ADGRL3: variants seen among roughly 807,000 people sequenced by gnomAD.
ADGRL3 encodes the protein adhesion G protein-coupled receptor L3, also known as calcium-independent alpha-latrotoxin receptor 3.
In ADGRL3, 62 loss-of-function variants were observed where a neutral mutation model predicts 153.5. The observed-to-expected ratio is 0.40, with a 90% CI of 0.33 to 0.50. The LOEUF (loss-of-function observed/expected upper bound fraction) is 0.50, where lower values mean the gene tolerates loss of function less well. ADGRL3 is among the 20% of genes least tolerant of loss of function. ADGRL3 has a pLI of 0.47. For synonymous variants in ADGRL3, 710 were observed against 672.5 expected (o/e 1.06, Z -0.86); for missense variants, 1,641 against 1,859.4 (o/e 0.88, Z 2.16).
rs148465432 is a variant in ADGRL3 at position 62,021,404 on chromosome 4, C to G, written c.3396-7451C>G. ...TCAAATTCAGGCAGGCTGGTTTGCA[C>G]GTCCATGTTTTCAGTCACTGACATA... On this transcript the variant is annotated intron_variant, in intron 21 of 26. Transcript: ENST00000683033. Among the ~76,000 whole-genome samples, 9 of 152,170 alleles carry G rather than the reference C, an allele frequency of 5.9e-5. No homozygotes were observed. The East Asian group carries it at 1.4e-3, about 23-fold the overall frequency.
chr4:61,501,704 A>T (rs1207622509), intron 3 of ADGRL3, among the ~76,000 whole-genome samples: 3 of 152,328 alleles, frequency 2.0e-5, no homozygotes, highest in African/African-American at 7.2e-5. Flanking sequence ...ACATGAACAA[A>T]ATCAGAGACT....
At chr4:61,490,211 T>G (rs1285128009) in intron 2 of ADGRL3, among the ~76,000 whole-genome samples, 1 of 152,142 alleles carries the variant, frequency 6.6e-6, no homozygotes, top group South Asian at 2.1e-4. Context: ...CTCTCACAGA[T>G]CTTCCAGATC....
At chr4:61,751,652 T>C (rs902702383) in intron 8 of ADGRL3, among the ~76,000 whole-genome samples, 3 of 152,188 alleles carry the variant, frequency 2.0e-5, no homozygotes, top group Non-Finnish European at 4.4e-5. Context: ...ATTAGTAAGA[T>C]TAGTTAGAAA....
At chr4:61,546,044 C>T (rs1053166828) in intron 4 of ADGRL3, among the ~76,000 whole-genome samples, 33 of 152,282 alleles carry the variant, frequency 2.2e-4, no homozygotes, top group African/African-American at 7.2e-4. Context: ...TGTCTAAGCC[C>T]TGGTTATCTC....
At chr4:61,677,569 G>A (rs186074578) in intron 6 of ADGRL3, among the ~76,000 whole-genome samples, 10 of 152,000 alleles carry the variant, frequency 6.6e-5, no homozygotes, top group Admixed American at 1.3e-4. Flanking sequence ...AACATTTTCT[G>A]ACTTTCCCAC....
chr4:61,804,705 A>T (rs1020179455), intron 8 of ADGRL3, among the ~76,000 whole-genome samples: 2 of 152,192 alleles, frequency 1.3e-5, no homozygotes, highest in Non-Finnish European at 2.9e-5. Flanking sequence ...TCAAGAGCTT[A>T]TATGAAGAAT....
intron 21 of ADGRL3, among the ~76,000 whole-genome samples, chr4:62,010,594 A>G (rs1436833107): frequency 6.6e-6 from 1 of 152,074 alleles, no homozygotes; most frequent in Non-Finnish European, 1.5e-5. Flanking sequence ...TTATCCTTCT[A>G]TATTTTTAAG....
intron 8 of ADGRL3, among the ~76,000 whole-genome samples, chr4:61,757,073 A>G (rs1209456300): frequency 6.6e-6 from 1 of 152,168 alleles, no homozygotes; most frequent in East Asian, 1.9e-4. Flanking sequence ...ATATTGGTCT[A>G]AAATTCTCTT....
At chr4:61,243,021 A>G (rs925599702) in intron 1 of ADGRL3, among the ~76,000 whole-genome samples, 5 of 152,224 alleles carry the variant, frequency 3.3e-5, no homozygotes, top group Admixed American at 2.6e-4. Context: ...ACAAACAGCC[A>G]TGGGGACATG....
chr4:61,288,471 T>C (rs1046491170), intron 1 of ADGRL3, among the ~76,000 whole-genome samples: 4 of 152,008 alleles, frequency 2.6e-5, no homozygotes, highest in Non-Finnish European at 5.9e-5. Context: ...GGCTTTCAGA[T>C]GTCTTCACAT....
intron 9 of ADGRL3, among the ~76,000 whole-genome samples, chr4:61,850,224 T>G (rs1407386314): frequency 3.9e-5 from 6 of 152,130 alleles, no homozygotes; most frequent in Non-Finnish European, 8.8e-5. Context: ...TCCTTTTATC[T>G]TCATGAAAGT....
chr4:61,742,796 G>A (rs1052345650), intron 8 of ADGRL3, among the ~76,000 whole-genome samples: 1 of 152,180 alleles, frequency 6.6e-6, no homozygotes. Flanking sequence ...GATGAGGTAT[G>A]TTAACTGATT....
intron 9 of ADGRL3, among the ~76,000 whole-genome samples, chr4:61,837,575 G>C (rs1333703496): frequency 1.3e-5 from 2 of 152,106 alleles, no homozygotes; most frequent in Non-Finnish European, 2.9e-5. Context: ...AGGGGACTCA[G>C]AGTCGGTATG....
intron 8 of ADGRL3, 56 bp downstream of exon 8, chr4:61,733,610 C>A (rs2096469800): frequency 1.6e-6 from 2 of 1,235,452 alleles, no homozygotes; most frequent in Middle Eastern, 2.0e-4. Context: ...TTGTTCTCAG[C>A]AAGTTCATTT....
intron 4 of ADGRL3, among the ~76,000 whole-genome samples, 184 bp downstream of exon 4, chr4:61,517,702 G>A (rs575937870): frequency 6.6e-6 from 1 of 152,214 alleles, no homozygotes; most frequent in African/African-American, 2.4e-5. Flanking sequence ...TACAATGCAT[G>A]CCTGTTCTAC....
At chr4:61,348,255 T>G (rs922050104) in intron 1 of ADGRL3, among the ~76,000 whole-genome samples, 8 of 152,050 alleles carry the variant, frequency 5.3e-5, no homozygotes, top group African/African-American at 1.7e-4. Flanking sequence ...TTGTAGTTGA[T>G]GCATTATTTT....
At chr4:61,939,474 T>C (rs1384095624) in intron 15 of ADGRL3, among the ~76,000 whole-genome samples, 26 of 150,016 alleles carry the variant, frequency 1.7e-4, no homozygotes, top group African/African-American at 5.8e-4. Context: ...TTTTTTTTTT[T>C]CTTTTTTTTT....
intron 5 of ADGRL3, among the ~76,000 whole-genome samples, chr4:61,589,405 A>C (rs1338094225): frequency 6.6e-6 from 1 of 152,120 alleles, no homozygotes; most frequent in East Asian, 1.9e-4. Flanking sequence ...CTGCTTTATA[A>C]TGAACGTAGT....
intron 2 of ADGRL3, among the ~76,000 whole-genome samples, chr4:61,405,618 T>C (rs1248500212): frequency 6.6e-6 from 1 of 151,942 alleles, no homozygotes; most frequent in Non-Finnish European, 1.5e-5. Flanking sequence ...AAATGTAAAA[T>C]TATATGCTAA....
Sources: gnomAD v4.1 joint callset for allele counts (sites outside exome capture counted in the v4.1 genomes callset) on GRCh38, gnomAD v4.1.1 for gene constraint, MANE v1.5 for transcripts, NCBI Gene and HGNC (gene_info 2026-07-23, HGNC 2026-07-21) for gene names.